STX18: variants seen among roughly 807,000 people sequenced by gnomAD.
STX18 encodes syntaxin 18.
In STX18, 40 loss-of-function variants were observed where a neutral mutation model predicts 50.1. That is an observed-to-expected ratio of 0.80 (90% CI 0.62 to 1.04). The LOEUF (loss-of-function observed/expected upper bound fraction) is 1.04, where lower values mean the gene tolerates loss of function less well. Among genes scored for constraint, STX18 ranks in the 50% least tolerant of loss-of-function variants. The pLI is 0.00. For missense variants in STX18, 410 were observed against 415.8 expected (o/e 0.99, Z 0.12); for synonymous variants, 158 against 151.8 (o/e 1.04, Z -0.30).
At chr4:4,429,135 A>T (rs1725401267) in intron 7 of STX18, among the ~76,000 whole-genome samples, 1 of 152,146 alleles carries the variant, frequency 6.6e-6, no homozygotes, top group Admixed American at 6.5e-5. Flanking sequence ...CTGGTGACTT[A>T]AGCTCTCTGT....
chr4:4,473,416 C>T (rs1430383663), intron 1 of STX18, among the ~76,000 whole-genome samples: 2 of 151,702 alleles, frequency 1.3e-5, no homozygotes, highest in East Asian at 1.9e-4. Context: ...CCTCAGCCTC[C>T]GGAGTAGCTG....
At chr4:4,520,449 C>G (rs1481169365) in intron 1 of STX18, among the ~76,000 whole-genome samples, 1 of 152,130 alleles carries the variant, frequency 6.6e-6, no homozygotes, top group Non-Finnish European at 1.5e-5. Context: ...TCATCAAATC[C>G]TTTCACATAA....
intron 1 of STX18, among the ~76,000 whole-genome samples, chr4:4,521,265 T>A (rs1211852403): frequency 6.6e-6 from 1 of 152,214 alleles, no homozygotes; most frequent in Non-Finnish European, 1.5e-5. Flanking sequence ...CCGATCTGCA[T>A]GGCTGGCTAT....
chr4:4,455,020 T>G (rs1012507453), intron 5 of STX18, among the ~76,000 whole-genome samples: 9 of 152,166 alleles, frequency 5.9e-5, no homozygotes, highest in Non-Finnish European at 5.9e-5. Context: ...AGTTTTCCCA[T>G]TTTATAGGTA....
chr4:4,539,941 G>GT (rs1243141090), intron 1 of STX18, among the ~76,000 whole-genome samples: 2 of 152,154 alleles, frequency 1.3e-5, no homozygotes, highest in African/African-American at 2.4e-5. Flanking sequence ...TTAGCACAGT[G>GT]TTAATAAATC....
At chr4:4,536,798 G>T (rs1731357685) in intron 1 of STX18, among the ~76,000 whole-genome samples, 1 of 152,162 alleles carries the variant, frequency 6.6e-6, no homozygotes, top group Admixed American at 6.5e-5. Context: ...TTCCACAAAA[G>T]AATGTATTAT....
chr4:4,440,240 A>C (rs1286579547), intron 5 of STX18, among the ~76,000 whole-genome samples: 2 of 152,276 alleles, frequency 1.3e-5, no homozygotes, highest in African/African-American at 2.4e-5. Context: ...TTAGGGTGAT[A>C]TTACTAATGC....
At chr4:4,432,256 G>A (rs973553186) in intron 7 of STX18, among the ~76,000 whole-genome samples, 14 of 152,216 alleles carry the variant, frequency 9.2e-5, no homozygotes, top group Non-Finnish European at 1.8e-4. Flanking sequence ...TTTTAAAGGG[G>A]AAACCACTCA....
In STX18 at chr4:4,487,707, A is replaced by G. The variant is rs374113562; in HGVS notation, c.169-16001T>C. On this transcript the variant is annotated intron_variant, in intron 1 of 10. Transcript: ENST00000306200. ...ATCAATTTTATTTAGCAGTTTCTTC[A>G]AAAGCATTTGCTAAATGTCAGAAAA... is the stretch of plus-strand genomic sequence containing the variant. 3.9e-5 allele frequency among the ~76,000 whole-genome samples: 6 copies of G among 152,240 alleles called. No homozygotes were observed. The East Asian group carries it at 5.8e-4, about 15-fold the overall frequency.
chr4:4,446,863 C>T lies in STX18; in HGVS notation c.498-8354G>A, dbSNP rs1726435523. 3.3e-5 allele frequency among the ~76,000 whole-genome samples: 5 copies of T among 152,224 alleles called. No individual in the cohort carries two copies. The South Asian group carries it at 1.0e-3, about 32-fold the overall frequency. ...AAAGAATGTTTACAGCAGCCTTATC[C>T]ATCATAGCCAAAAAAATGGGAACAC... On this transcript the variant is annotated intron_variant, in intron 5 of 10. Transcript: ENST00000306200.
At chr4:4,472,831 C>T (rs970120775) in intron 1 of STX18, among the ~76,000 whole-genome samples, 1 of 152,180 alleles carries the variant, frequency 6.6e-6, no homozygotes, top group East Asian at 1.9e-4. Context: ...ACAAAAGAAA[C>T]ATCCATGGTT....
intron 1 of STX18, among the ~76,000 whole-genome samples, chr4:4,518,377 G>C (rs935196464): frequency 6.6e-6 from 1 of 152,142 alleles, no homozygotes; most frequent in African/African-American, 2.4e-5. Flanking sequence ...TAAGGCATTT[G>C]TATAGAAAAC....
intron 5 of STX18, among the ~76,000 whole-genome samples, chr4:4,443,944 T>G (rs1726254329): frequency 1.3e-5 from 2 of 152,228 alleles, no homozygotes; most frequent in South Asian, 4.1e-4. Flanking sequence ...AGGAAAAAAC[T>G]GGCCCTTGCT....
chr4:4,452,442 G>A (rs991915590), intron 5 of STX18, among the ~76,000 whole-genome samples: 2 of 152,204 alleles, frequency 1.3e-5, no homozygotes, highest in Non-Finnish European at 2.9e-5. Context: ...CAGAGGAGAA[G>A]TCAATGGCTG....
chr4:4,428,853 T>G (rs1725384438), intron 7 of STX18, among the ~76,000 whole-genome samples: 1 of 152,156 alleles, frequency 6.6e-6, no homozygotes. Context: ...CTGAACACAA[T>G]CAAGGAAATT....
intron 2 of STX18, among the ~76,000 whole-genome samples, chr4:4,466,233 A>G (rs1319077227): frequency 2.0e-5 from 3 of 152,032 alleles, no homozygotes; most frequent in African/African-American, 7.2e-5. Flanking sequence ...GTCTCTCAGG[A>G]TGGAAGCATG....
chr4:4,518,969 A>T (rs191389619), intron 1 of STX18, among the ~76,000 whole-genome samples: 222 of 152,300 alleles, frequency 1.5e-3, no homozygotes, highest in African/African-American at 5.2e-3. Context: ...ATGATGTTTT[A>T]TGGTTCTTTT....
At chr4:4,454,239 G>A (rs1418243491) in intron 5 of STX18, among the ~76,000 whole-genome samples, 2 of 152,228 alleles carry the variant, frequency 1.3e-5, no homozygotes, top group African/African-American at 4.8e-5. Context: ...ACTACATTGT[G>A]AAGGGTCACA....
chr4:4,501,978 T>C (rs1428375808), intron 1 of STX18, among the ~76,000 whole-genome samples: 1 of 152,176 alleles, frequency 6.6e-6, no homozygotes, highest in Admixed American at 6.5e-5. Flanking sequence ...AAATCTGTAT[T>C]AGATTTTCTC....
Sources: gnomAD v4.1 joint callset for allele counts (sites outside exome capture counted in the v4.1 genomes callset) on GRCh38, gnomAD v4.1.1 for gene constraint, MANE v1.5 for transcripts, NCBI Gene and HGNC (gene_info 2026-07-23, HGNC 2026-07-21) for gene names.